Variants in MYOM1 observed in about 807,000 individuals in gnomAD.
MYOM1 encodes the protein myomesin 1, also known as myomesin-1.
MYOM1 carries 164 observed loss-of-function variants against 205.3 expected under a neutral mutation model. The observed-to-expected ratio is 0.80, with a 90% confidence interval of 0.70 to 0.91. MYOM1 has a LOEUF of 0.91. Among genes scored for constraint, MYOM1 ranks in the 40% least tolerant of loss-of-function variants. MYOM1 has a pLI of 0.00. For synonymous variants in MYOM1, 772 were observed against 789.4 expected (o/e 0.98, Z 0.37); for missense variants, 2,011 against 2,127.3 (o/e 0.95, Z 1.08).
At chr18:3,177,359 T>TG (rs1212692767) in intron 5 of MYOM1, among the ~76,000 whole-genome samples, 1 of 151,960 alleles carries the variant, frequency 6.6e-6, no homozygotes, top group Non-Finnish European at 1.5e-5. Flanking sequence ...GGCTTTCTGT[T>TG]GGGGGTTTTA....
intron 6 of MYOM1, among the ~76,000 whole-genome samples, chr18:3,175,370 C>T (rs1158996465): frequency 6.6e-6 from 1 of 152,134 alleles, no homozygotes; most frequent in Admixed American, 6.5e-5. Context: ...ACTTGTTTAG[C>T]TTTTCATTGA....
chr18:3,124,117 G>A (rs1484676919), intron 19 of MYOM1, among the ~76,000 whole-genome samples: 3 of 151,222 alleles, frequency 2.0e-5, no homozygotes, highest in Non-Finnish European at 2.9e-5. Context: ...GACTACAGGT[G>A]CGAGCCACCA....
In MYOM1 at chr18:3,133,329, G is replaced by A. The variant is rs139132889; in HGVS notation, c.2384+1321C>T. Among the ~76,000 whole-genome samples, 719 of 152,244 alleles carry A rather than the reference G, an allele frequency of 4.7e-3. 1 individual carries two copies. Among genetic ancestry groups the A allele is most frequent in the African/African-American group, 0.016 (653 of 41,554 alleles). ...ATCCAAGCCAGAAGCTGCCGAACGA[G>A]TCTATTTGACAATTTCTGGGAGGGC... On this transcript the variant is annotated intron_variant, in intron 16 of 37. Coordinates refer to ENST00000356443, the MANE Select transcript of MYOM1 (RefSeq NM_003803.4).
At chr18:3,101,273 C>T in intron 23 of MYOM1, among the ~76,000 whole-genome samples, 1 of 152,110 alleles carries the variant, frequency 6.6e-6, no homozygotes, top group East Asian at 1.9e-4. Flanking sequence ...GAAAAAAGTA[C>T]TTAGAAATAC....
intron 10 of MYOM1, among the ~76,000 whole-genome samples, chr18:3,159,294 C>A (rs1463666055): frequency 6.6e-6 from 1 of 152,268 alleles, no homozygotes; most frequent in Non-Finnish European, 1.5e-5. Context: ...TGTGTTTCTG[C>A]AGACATATGG....
At chr18:3,228,633 T>C in the MYOM1 span, among the ~76,000 whole-genome samples, 1 of 152,202 alleles carries the variant, frequency 6.6e-6, no homozygotes, top group East Asian at 1.9e-4. This position sits in a 1 kb window ranked among gnomAD's most constrained non-coding sequence, Gnocchi z 4.5. Flanking sequence ...CACCATAAAT[T>C]AATCCATTTT....
chr18:3,136,497 C>T (rs2079967242), intron 14 of MYOM1, among the ~76,000 whole-genome samples: 1 of 152,086 alleles, frequency 6.6e-6, no homozygotes, highest in South Asian at 2.1e-4. Context: ...ACAATCACGG[C>T]TCACTGCAGC....
At chr18:3,169,845 G>A (rs966281377) in intron 8 of MYOM1, among the ~76,000 whole-genome samples, 1 of 152,128 alleles carries the variant, frequency 6.6e-6, no homozygotes, top group African/African-American at 2.4e-5. Flanking sequence ...TCTGCACTCC[G>A]ATGTTTATTG....
chr18:3,149,551 T>C (rs2080186938), intron 12 of MYOM1, among the ~76,000 whole-genome samples: 1 of 152,196 alleles, frequency 6.6e-6, no homozygotes, highest in Non-Finnish European at 1.5e-5. Context: ...AAGGATAGCA[T>C]GCGTTTGGGA....
At position 3,167,540 on chromosome 18, in the gene MYOM1, C is replaced by T. The variant is rs190430876; in HGVS notation, c.1339+1277G>A. Among the ~76,000 whole-genome samples the T allele has an allele frequency of 2.4e-3, 364 of 152,224 alleles. 2 individuals carry two copies. Among genetic ancestry groups the T allele is most frequent in the Non-Finnish European group, 2.1e-3 (144 of 68,012 alleles). ...CTGGGACTACAGGTGTGCGCCACCA[C>T]GCCCGGCTAATTTTTGTATTTTTTG... On this transcript the variant is annotated intron_variant, in intron 9 of 37. Transcript: ENST00000356443.
chr18:3,183,901 TTC>T (rs202108736), intron 5 of MYOM1, among the ~76,000 whole-genome samples: 11 of 148,422 alleles, frequency 7.4e-5, no homozygotes, highest in African/African-American at 2.9e-4. Flanking sequence ...TCATTTTTCG[TTC>T]TCTCTCTTTT....
intron 4 of MYOM1, 59 bp downstream of exon 4, chr18:3,188,689 A>C (rs2080858025): frequency 1.4e-6 from 2 of 1,398,346 alleles, no homozygotes; most frequent in Non-Finnish European, 9.6e-7. Flanking sequence ...ACACACACAC[A>C]CACCCCTTAT....
chr18:3,127,301 ATATATTTTTTTTTT>A (rs1319121818), intron 18 of MYOM1, among the ~76,000 whole-genome samples: 16 of 47,910 alleles, frequency 3.3e-4, no homozygotes, highest in African/African-American at 1.7e-3. Context: ...ATATATATAT[ATATATTTTTTTTTT>A]TTTTTTTTTT....
chr18:3,128,606 TTTTTC>T (rs2079829321), intron 18 of MYOM1, among the ~76,000 whole-genome samples: 2 of 152,164 alleles, frequency 1.3e-5, no homozygotes, highest in African/African-American at 4.8e-5. Flanking sequence ...TATAGCTGTT[TTTTTC>T]TTTTCTTTTT....
In MYOM1 at chr18:3,090,656, A is replaced by G; in HGVS notation, c.4009+2T>C. On this transcript the variant is annotated splice_donor_variant, in intron 27 of 37. Coordinates refer to ENST00000356443, the MANE Select transcript of MYOM1 (RefSeq NM_003803.4). LOFTEE classifies it high-confidence loss of function. ...CTGGTTAATGTTCCACGGAATTCTTACCATCTCCAACGAGAACAACAGTAG... is the reference window on the plus strand; with the variant it reads ...CTGGTTAATGTTCCACGGAATTCTTGCCATCTCCAACGAGAACAACAGTAG... 6.2e-7 allele frequency: 1 copy of G among 1,613,958 alleles called. No individual in the cohort carries two copies. Among genetic ancestry groups the G allele is most frequent in the Non-Finnish European group, 8.5e-7 (1 of 1,179,844 alleles).
chr18:3,129,475 G>A lies in MYOM1; in HGVS notation c.2551C>T (p.Pro851Ser), dbSNP rs1302246109. The A allele has an allele frequency of 1.2e-6, 2 of 1,613,872 alleles. No homozygotes were observed. Among genetic ancestry groups the A allele is most frequent in the Non-Finnish European group, 1.7e-6 (2 of 1,179,844 alleles). ...CCCCTGGAGGCGGTTAGTCCACCAGGCTCATCGCTCAGTGCGGGACACACA... is the reference window on the plus strand; with the variant it reads ...CCCCTGGAGGCGGTTAGTCCACCAGACTCATCGCTCAGTGCGGGACACACA... ...PDVCPALSDE[P>S]GGLTASRGRV... Residue 851 changes from proline (P) to serine (S), a missense_variant, in exon 18 of 38, where the codon CCT (proline) becomes TCT (serine). Coordinates refer to ENST00000356443, the MANE Select transcript of MYOM1 (RefSeq NM_003803.4).
intron 21 of MYOM1, among the ~76,000 whole-genome samples, chr18:3,115,444 G>A (rs1369424227): frequency 6.6e-6 from 1 of 152,178 alleles, no homozygotes; most frequent in Non-Finnish European, 1.5e-5. Context: ...AGGTCAGGGA[G>A]AGATCTTTTT....
intron 21 of MYOM1, among the ~76,000 whole-genome samples, chr18:3,115,536 G>A (rs950477521): frequency 6.6e-6 from 1 of 152,146 alleles, no homozygotes; most frequent in Non-Finnish European, 1.5e-5. Context: ...CTGTGCAAAC[G>A]CAGTGTGTAA....
At chr18:3,243,706 G>T in the MYOM1 span, among the ~76,000 whole-genome samples, 1 of 152,056 alleles carries the variant, frequency 6.6e-6, no homozygotes, top group African/African-American at 2.4e-5. Context: ...TATAACCCAG[G>T]TTCTTTCATT....
Sources: gnomAD v4.1 joint callset for allele counts (sites outside exome capture counted in the v4.1 genomes callset) on GRCh38, gnomAD v4.1.1 for gene constraint, Gnocchi (gnomAD v3.1) non-coding constraint, MANE v1.5 for transcripts, NCBI Gene and HGNC (gene_info 2026-07-23, HGNC 2026-07-21) for gene names.